The following OR52M1 variants were observed in gnomAD, a reference collection of about 807,000 sequenced individuals.
OR52M1 encodes olfactory receptor family 52 subfamily M member 1, also known as olfactory receptor 52M1.
A neutral mutation model predicts 1.3 loss-of-function variants in OR52M1; 2 were observed. The ratio of observed to expected loss-of-function variants is 1.59; its 90% CI spans 0.65 to 5.01. The LOEUF is 5.01. Ranked by LOEUF, OR52M1 falls within the 30% of genes most tolerant of loss-of-function variation. OR52M1 has a pLI of 0.06. For synonymous variants in OR52M1, 234 were observed against 151.4 expected, an observed-to-expected ratio of 1.55 and a Z score of -4.01; for missense variants, 585 against 403.7, an observed-to-expected ratio of 1.45 and a Z score of -3.85.
rs746847644 is a variant in OR52M1, at chr11:4,545,695, C to T, written c.505C>T (p.Leu169=). 1.2e-5 allele frequency: 19 copies of T among 1,613,142 alleles called. No individual in the cohort carries two copies. The highest frequency in any genetic ancestry group is 4.4e-5 in the South Asian group (4 of 90,868). The change falls in exon 1 of 1, where the codon CTG becomes TTG. Residue 169 remains leucine, a synonymous_variant. Transcript: ENST00000360213. ...TCTGCCTCTGATGATCCGCCTGCGG[C>T]TGCCCCTTTATAAAACCCATGTTAT... ...GPLPLMIRLR[L]PLYKTHVISH...
chr11:4,546,037 T>C lies in OR52M1; in HGVS notation c.847T>C (p.Tyr283His), dbSNP rs1846953132. The change falls in exon 1 of 1, where the codon TAT becomes CAT. Residue 283 changes from tyrosine to histidine, a missense_variant. Coordinates refer to ENST00000360213, the MANE Select transcript of OR52M1 (RefSeq NM_001004137.1). ...PPVHTLLANF[Y>H]LLIPPILNPI... The stretch of plus-strand genomic sequence containing the variant: ...AGTCCACACTCTGCTGGCCAACTTC[T>C]ATCTCCTCATTCCTCCAATCCTCAA... 6.2e-7 allele frequency: 1 copy of C among 1,614,038 alleles called. No homozygotes were observed. Among genetic ancestry groups the C allele is most frequent in the South Asian group, 1.1e-5 (1 of 91,092 alleles).
chr11:4,545,526 T>C lies in OR52M1; in HGVS notation c.336T>C (p.Val112=). 1.9e-6 allele frequency: 3 copies of C among 1,613,406 alleles called. No individual in the cohort carries two copies. The highest frequency in any genetic ancestry group is 2.7e-5 in the African/African-American group (2 of 75,042). ...QMFLIHCFAT[V]ESGIFLAMAF... is the part of the protein sequence containing the mutation. ...TCCTTATCCACTGCTTTGCCACTGT[T>C]GAGTCAGGCATCTTCCTTGCCATGG... The change falls in exon 1 of 1, where the codon GTT becomes GTC. Residue 112 remains valine (V), a synonymous_variant. Transcript: ENST00000360213.
chr11:4,545,410 G>C lies in OR52M1; in HGVS notation c.220G>C (p.Val74Leu), dbSNP rs763682022. ...FLCMLAAIDL[V>L]LSTSTIPKLL... ...GTGCATGTTGGCTGCCATTGACCTG[G>C]TTCTGTCTACTTCCACTATACCCAA... The change falls in exon 1 of 1, where the codon GTT (valine) becomes CTT (leucine). Residue 74 changes from valine to leucine, a missense_variant. Coordinates refer to ENST00000360213, the MANE Select transcript of OR52M1 (RefSeq NM_001004137.1). The C allele has an allele frequency of 1.2e-6, 2 of 1,614,134 alleles. No homozygotes were observed. Among genetic ancestry groups the C allele is most frequent in the South Asian group, 1.1e-5 (1 of 91,084 alleles).
Position 4,545,648 on chromosome 11 carries a change from G to A in OR52M1, c.458G>A (p.Arg153Gln), listed in dbSNP as rs138834789. 220 of 1,613,402 alleles carry A rather than the reference G, an allele frequency of 1.4e-4. No homozygotes were observed. In the African/African-American group the frequency reaches 2.2e-3, roughly 16 times the overall value. ...CGTTTGGGGCTTGTTTCTCTCCTCCGGGGTGTTCTCTACATTGGACCTCTG... is the reference window on the plus strand; with the variant it reads ...CGTTTGGGGCTTGTTTCTCTCCTCCAGGGTGTTCTCTACATTGGACCTCTG... ...VGRLGLVSLL[R>Q]GVLYIGPLPL... Residue 153 changes from arginine to glutamine, a missense_variant, in exon 1 of 1, where the codon CGG (arginine) becomes CAG (glutamine). Arg to Gln is a conservative substitution (Grantham distance 43). Transcript: ENST00000360213.
chr11:4,545,279 C>G lies in OR52M1; in HGVS notation c.89C>G (p.Ser30Cys). 6.2e-7 allele frequency: 1 copy of G among 1,614,150 alleles called. No individual in the cohort carries two copies. The highest frequency in any genetic ancestry group is 8.5e-7 in the Non-Finnish European group (1 of 1,180,004). The change falls in exon 1 of 1, where the codon TCC becomes TGC. Residue 30 changes from serine to cysteine, a missense_variant. Ser to Cys is a moderately radical substitution (Grantham distance 112). Coordinates refer to ENST00000360213, the MANE Select transcript of OR52M1 (RefSeq NM_001004137.1). ...PGLESLHVWL[S>C]IPFGSMYLVA... The stretch of plus-strand genomic sequence containing the variant: ...CTGGAGTCCCTACACGTCTGGCTCT[C>G]CATCCCCTTTGGCTCCATGTACCTG...
Position 4,545,801 on chromosome 11 carries a change from G to A in OR52M1, c.611G>A (p.Ser204Asn), listed in dbSNP as rs751578969. 1.9e-6 allele frequency: 3 copies of A among 1,614,192 alleles called. No homozygotes were observed. The highest frequency in any genetic ancestry group is 2.5e-6 in the Non-Finnish European group (3 of 1,180,040). ...AGGGTCAATAATGTCTATGGGCTGAGCATCGGCTTTCTGGTGTTGATCCTG... is the reference window on the plus strand; with the variant it reads ...AGGGTCAATAATGTCTATGGGCTGAACATCGGCTTTCTGGTGTTGATCCTG... ...DSRVNNVYGLSIGFLVLILDS... is the reference protein window; with the variant it reads ...DSRVNNVYGLNIGFLVLILDS... The change falls in exon 1 of 1, where the codon AGC becomes AAC. Residue 204 changes from serine (S) to asparagine (N), a missense_variant. Coordinates refer to ENST00000360213, the MANE Select transcript of OR52M1 (RefSeq NM_001004137.1).
chr11:4,545,199 T>A lies in OR52M1; in HGVS notation c.9T>A (p.Thr3=), dbSNP rs951876895. ML[T]FHNVCSVPSS... ...TTCACATATAAATAGCCATGCTCACTTTTCATAATGTCTGCTCAGTACCCA... is the reference window on the plus strand; with the variant it reads ...TTCACATATAAATAGCCATGCTCACATTTCATAATGTCTGCTCAGTACCCA... The change falls in exon 1 of 1, where the codon ACT becomes ACA. Residue 3 remains threonine, a synonymous_variant. Coordinates refer to ENST00000360213, the MANE Select transcript of OR52M1 (RefSeq NM_001004137.1). The A allele has an allele frequency of 6.3e-7, 1 of 1,578,534 alleles. No homozygotes were observed. Among genetic ancestry groups the A allele is most frequent in the Non-Finnish European group, 8.6e-7 (1 of 1,163,718 alleles).
rs368146080 is a variant in OR52M1, at chr11:4,545,940, C to G, written c.750C>G (p.Ala250=). ...TLGTCASHLC[A]ILIFYVPIAV... ...GGACATGCGCTTCTCACCTCTGTGC[C>G]ATCCTGATCTTTTATGTTCCCATTG... Residue 250 remains alanine (A), a synonymous_variant, in exon 1 of 1, where the codon GCC becomes GCG. Transcript: ENST00000360213. 2 of 1,613,938 alleles carry G rather than the reference C, an allele frequency of 1.2e-6. No individual in the cohort carries two copies. The highest frequency in any genetic ancestry group is 2.7e-5 in the African/African-American group (2 of 74,876).
rs552361140 is a variant in OR52M1 at position 4,545,711 on chromosome 11, C to G, written c.521C>G (p.Thr174Ser). 2.1e-5 allele frequency: 34 copies of G among 1,613,530 alleles called. No individual in the cohort carries two copies. Among genetic ancestry groups the G allele is most frequent in the Non-Finnish European group, 2.9e-5 (34 of 1,179,754 alleles). Residue 174 changes from threonine to serine, a missense_variant, in exon 1 of 1, where the codon ACC (threonine) becomes AGC (serine). Coordinates refer to ENST00000360213, the MANE Select transcript of OR52M1 (RefSeq NM_001004137.1). ...CGCCTGCGGCTGCCCCTTTATAAAA[C>G]CCATGTTATCTCCCACTCCTACTGT... is the stretch of plus-strand genomic sequence containing the variant. ...MIRLRLPLYK[T>S]HVISHSYCEH...
At position 4,545,991 on chromosome 11, in the gene OR52M1, T is replaced by C. The variant is rs879112155; in HGVS notation, c.801T>C (p.Phe267=). ...PIAVSSLIHR[F]GQCVPPPVHT... is the part of the protein sequence containing the mutation. The stretch of plus-strand genomic sequence containing the variant: ...CTGTTTCTTCCCTGATTCACCGATT[T>C]GGTCAGTGTGTGCCTCCTCCAGTCC... The change falls in exon 1 of 1, where the codon TTT becomes TTC. Residue 267 remains phenylalanine, a synonymous_variant. Coordinates refer to ENST00000360213, the MANE Select transcript of OR52M1 (RefSeq NM_001004137.1). 2 of 1,614,042 alleles carry C rather than the reference T, an allele frequency of 1.2e-6. No individual in the cohort carries two copies. Among genetic ancestry groups the C allele is most frequent in the East Asian group, 2.2e-5 (1 of 44,892 alleles).
chr11:4,546,042 C>T lies in OR52M1; in HGVS notation c.852C>T (p.Leu284=). ...PVHTLLANFY[L]LIPPILNPIV... ...ACACTCTGCTGGCCAACTTCTATCT[C>T]CTCATTCCTCCAATCCTCAATCCCA... Residue 284 remains leucine, a synonymous_variant, in exon 1 of 1, where the codon CTC becomes CTT. Transcript: ENST00000360213. 3 of 1,614,070 alleles carry T rather than the reference C, an allele frequency of 1.9e-6. No homozygotes were observed. Among genetic ancestry groups the T allele is most frequent in the South Asian group, 1.1e-5 (1 of 91,080 alleles).
Position 4,545,436 on chromosome 11 carries a change from ACTTCTGGGAAT to A in OR52M1, c.254_264del (p.Gly85ValfsTer5). ...TTCTGTCTACTTCCACTATACCCAA[ACTTCTGGGAAT>A]CTTCTGGTTCGGTGCTTGTGACATT... On this transcript the variant is annotated frameshift_variant, in exon 1 of 1. Transcript: ENST00000360213. LOFTEE classifies it low-confidence loss of function (END_TRUNC). 1 of 1,614,106 alleles carries A rather than the reference ACTTCTGGGAAT, an allele frequency of 6.2e-7. No individual in the cohort carries two copies. Among genetic ancestry groups the A allele is most frequent in the Non-Finnish European group, 8.5e-7 (1 of 1,180,008 alleles).
Position 4,545,194 on chromosome 11 carries a change from C to A in OR52M1, c.4C>A (p.Leu2Ile). The A allele has an allele frequency of 6.4e-7, 1 of 1,570,168 alleles. No individual in the cohort carries two copies. The highest frequency in any genetic ancestry group is 1.2e-5 in the South Asian group (1 of 84,254). Residue 2 changes from leucine (L) to isoleucine (I), a missense_variant, in exon 1 of 1, where the codon CTC (leucine) becomes ATC (isoleucine). Transcript: ENST00000360213. ...GAAGGTTCACATATAAATAGCCATG[C>A]TCACTTTTCATAATGTCTGCTCAGT... is the stretch of plus-strand genomic sequence containing the variant. The part of the protein sequence containing the change: M[L>I]TFHNVCSVPS...
rs1166667153 is a variant in OR52M1 at position 4,545,916 on chromosome 11, G to A, written c.726G>A (p.Gly242=). ...ATPEARLKTL[G]TCASHLCAIL... ...CTGAGGCTAGGCTTAAAACCCTGGG[G>A]ACATGCGCTTCTCACCTCTGTGCCA... The change falls in exon 1 of 1, where the codon GGG becomes GGA. Residue 242 remains glycine (G), a synonymous_variant. Transcript: ENST00000360213. 44 of 1,613,900 alleles carry A rather than the reference G, an allele frequency of 2.7e-5. No individual in the cohort carries two copies. Among genetic ancestry groups the A allele is most frequent in the African/African-American group, 4.0e-5 (3 of 74,826 alleles).
chr11:4,545,825 T>C lies in OR52M1; in HGVS notation c.635T>C (p.Leu212Pro), dbSNP rs201948084. 5.6e-5 allele frequency: 91 copies of C among 1,614,076 alleles called. No individual in the cohort carries two copies. The highest frequency in any genetic ancestry group is 6.9e-5 in the Non-Finnish European group (82 of 1,180,036). ...GLSIGFLVLI[L>P]DSVAIAASYV... is the part of the protein sequence containing the mutation. ...AGCATCGGCTTTCTGGTGTTGATCC[T>C]GGACTCAGTGGCTATTGCTGCATCC... Residue 212 changes from leucine to proline, a missense_variant, in exon 1 of 1, where the codon CTG becomes CCG. By Grantham distance (98) the Leu-to-Pro change is moderately conservative (BLOSUM62 -3). Coordinates refer to ENST00000360213, the MANE Select transcript of OR52M1 (RefSeq NM_001004137.1).
At position 4,545,992 on chromosome 11, in the gene OR52M1, G is replaced by T; in HGVS notation, c.802G>T (p.Gly268Cys). The T allele has an allele frequency of 6.2e-7, 1 of 1,614,038 alleles. No homozygotes were observed. Among genetic ancestry groups the T allele is most frequent in the South Asian group, 1.1e-5 (1 of 91,070 alleles). The change falls in exon 1 of 1, where the codon GGT becomes TGT. Residue 268 changes from glycine (G) to cysteine (C), a missense_variant. Coordinates refer to ENST00000360213, the MANE Select transcript of OR52M1 (RefSeq NM_001004137.1). ...IAVSSLIHRF[G>C]QCVPPPVHTL... ...TGTTTCTTCCCTGATTCACCGATTTGGTCAGTGTGTGCCTCCTCCAGTCCA... is the reference window on the plus strand; with the variant it reads ...TGTTTCTTCCCTGATTCACCGATTTTGTCAGTGTGTGCCTCCTCCAGTCCA...
chr11:4,545,736 T>TGA lies in OR52M1; in HGVS notation c.548_549dup (p.His184SerfsTer5). The TGA allele has an allele frequency of 6.2e-7, 1 of 1,614,032 alleles. No homozygotes were observed. Among genetic ancestry groups the TGA allele is most frequent in the Non-Finnish European group, 8.5e-7 (1 of 1,179,960 alleles). Reference sequence around the variant, plus strand: ...CCCATGTTATCTCCCACTCCTACTGTGAGCACATGGCTGTAGTTGCCTTGA... The same window carrying TGA: ...CCCATGTTATCTCCCACTCCTACTGTGAGAGCACATGGCTGTAGTTGCCTTGA... On this transcript the variant is annotated frameshift_variant, in exon 1 of 1. Coordinates refer to ENST00000360213, the MANE Select transcript of OR52M1 (RefSeq NM_001004137.1). LOFTEE classifies it low-confidence loss of function (END_TRUNC).
At position 4,545,482 on chromosome 11, in the gene OR52M1, G is replaced by T. The variant is rs145962402; in HGVS notation, c.292G>T (p.Ala98Ser). Residue 98 changes from alanine (A) to serine (S), a missense_variant, in exon 1 of 1, where the codon GCC becomes TCC. Ala to Ser is a moderately conservative substitution (Grantham distance 99). Transcript: ENST00000360213. ...CGGTGCTTGTGACATTGGCCTGGACGCCTGCTTGGGCCAAATGTTCCTTAT... is the reference window on the plus strand; with the variant it reads ...CGGTGCTTGTGACATTGGCCTGGACTCCTGCTTGGGCCAAATGTTCCTTAT... ...WFGACDIGLD[A>S]CLGQMFLIHC... is the part of the protein sequence containing the mutation. The T allele has an allele frequency of 5.0e-6, 8 of 1,614,146 alleles. No homozygotes were observed. The East Asian group carries it at 1.6e-4, about 31-fold the overall frequency.
In OR52M1 at chr11:4,545,235, G is replaced by A; in HGVS notation, c.45G>A (p.Trp15Ter). Residue 15 changes from tryptophan to a stop codon, truncating the protein, a stop_gained, in exon 1 of 1, where the codon TGG becomes TGA. Coordinates refer to ENST00000360213, the MANE Select transcript of OR52M1 (RefSeq NM_001004137.1). LOFTEE classifies it high-confidence loss of function. ...HNVCSVPSSF[W>*]LTGIPGLESL... ...TCTGCTCAGTACCCAGCTCCTTCTG[G>A]CTCACTGGCATCCCAGGGCTGGAGT... The A allele has an allele frequency of 6.2e-7, 1 of 1,612,702 alleles. No homozygotes were observed. The highest frequency in any genetic ancestry group is 8.5e-7 in the Non-Finnish European group (1 of 1,179,318).
Sources: gnomAD v4.1 joint callset for allele counts on GRCh38, gnomAD v4.1.1 for gene constraint, MANE v1.5 for transcripts, NCBI Gene and HGNC (gene_info 2026-07-23, HGNC 2026-07-21) for gene names.